MAPK15: variants seen among roughly 807,000 people sequenced by gnomAD.
The protein encoded by MAPK15 is mitogen-activated protein kinase 15.
A neutral mutation model predicts 60.8 loss-of-function variants in MAPK15; 61 were observed. That is an observed-to-expected ratio of 1.00 (90% CI 0.82 to 1.24). The LOEUF (loss-of-function observed/expected upper bound fraction) is 1.24. Ranked by LOEUF, MAPK15 falls within the 50% of genes most tolerant of loss-of-function variation. The pLI, the probability that MAPK15 is intolerant of heterozygous loss-of-function variation, is 0.00. For missense variants in MAPK15, 808 were observed against 741.1 expected, an observed-to-expected ratio of 1.09 and a Z score of -1.05; for synonymous variants, 356 against 319.9, an observed-to-expected ratio of 1.11 and a Z score of -1.21.
rs1817930351 is a variant in MAPK15, at chr8:143,719,035, T to G, written c.460T>G (p.Cys154Gly). The change falls in exon 6 of 14, where the codon TGT (cysteine) becomes GGT (glycine). Residue 154 changes from cysteine to glycine, a missense_variant. By Grantham distance (159) the Cys-to-Gly change is radical. Transcript: ENST00000338033. Reference sequence around the variant, plus strand: ...GGATGCCAACTGCACAGTGAAGCTGTGTGACTTTGGCCTGGCCCGCTCCCT... The same window carrying G: ...GGATGCCAACTGCACAGTGAAGCTGGGTGACTTTGGCCTGGCCCGCTCCCT... ...LLDANCTVKL[C>G]DFGLARSLGD... 2 of 1,603,034 alleles carry G rather than the reference T, an allele frequency of 1.2e-6. No homozygotes were observed. The highest frequency in any genetic ancestry group is 2.7e-5 in the African/African-American group (2 of 74,574).
At chr8:143,719,232 C>G in intron 6 of MAPK15, 76 bp downstream of exon 6, 1 of 1,506,514 alleles carries the variant, frequency 6.6e-7, no homozygotes, top group Non-Finnish European at 8.9e-7. Flanking sequence ...CCAGGCCTCC[C>G]GTACTCCGAC....
chr8:143,721,537 C>T lies in MAPK15; in HGVS notation c.1205-12C>T. 1 of 1,613,752 alleles carries T rather than the reference C, an allele frequency of 6.2e-7. No individual in the cohort carries two copies. The highest frequency in any genetic ancestry group is 8.5e-7 in the Non-Finnish European group (1 of 1,179,864). ...ACCCACTGACCCCGGGGTTGACCCA[C>T]TGACCCCACAGAGTCCCCCCGTGCA... is the stretch of plus-strand genomic sequence containing the variant. On this transcript the variant is annotated splice_polypyrimidine_tract_variant and intron_variant, in intron 11 of 13. Transcript: ENST00000338033.
In MAPK15 at chr8:143,721,872, G is replaced by A. The variant is rs374901309; in HGVS notation, c.1450G>A (p.Val484Ile). ...NRGGGVRVAS[V>I]QQVPPRLPPE... ...GGGCGGTGGGGTGAGGGTGGCCAGC[G>A]TACAACAGGTAAGCCCGGCCCAGTC... The change falls in exon 13 of 14, where the codon GTA becomes ATA. Residue 484 changes from valine (V) to isoleucine (I), a missense_variant. Physicochemically the swap from Val to Ile is conservative, Grantham distance 29. Transcript: ENST00000338033. The A allele has an allele frequency of 5.0e-5, 79 of 1,586,348 alleles. No individual in the cohort carries two copies. Among genetic ancestry groups the A allele is most frequent in the African/African-American group, 3.5e-4 (26 of 74,680 alleles).
rs782683762 is a variant in MAPK15, at chr8:143,719,443, G to T, written c.682G>T (p.Glu228Ter). The change falls in exon 7 of 14, where the codon GAG becomes TAG. Residue 228 changes from glutamate to a stop codon, truncating the protein, a stop_gained. Coordinates refer to ENST00000338033, the MANE Select transcript of MAPK15 (RefSeq NM_139021.3). LOFTEE classifies it high-confidence loss of function. ...CGGCACGTCCACCCTCCACCAGCTGGAGCTGATCCTGGAGACCATCCCACC... is the reference window on the plus strand; with the variant it reads ...CGGCACGTCCACCCTCCACCAGCTGTAGCTGATCCTGGAGACCATCCCACC... ...FPGTSTLHQL[E>*]LILETIPPPS... is the part of the protein sequence containing the mutation. 1.9e-6 allele frequency: 3 copies of T among 1,609,578 alleles called. No homozygotes were observed. The highest frequency in any genetic ancestry group is 2.5e-6 in the Non-Finnish European group (3 of 1,178,834).
In MAPK15 at chr8:143,719,116, C is replaced by T. The variant is rs782030603; in HGVS notation, c.541C>T (p.Arg181Cys). Residue 181 changes from arginine (R) to cysteine (C), a missense_variant, in exon 6 of 14, where the codon CGC becomes TGC. Coordinates refer to ENST00000338033, the MANE Select transcript of MAPK15 (RefSeq NM_139021.3). Reference sequence around the variant, plus strand: ...GGCCGTGACAGAGTACGTGGCCACACGCTGGTACCGAGCACCGGAGGTGCT... The same window carrying T: ...GGCCGTGACAGAGTACGTGGCCACATGCTGGTACCGAGCACCGGAGGTGCT... Reference protein sequence around the residue: ...DQAVTEYVATRWYRAPEVLLS... With the variant: ...DQAVTEYVATCWYRAPEVLLS... 19 of 1,559,138 alleles carry T rather than the reference C, an allele frequency of 1.2e-5. No homozygotes were observed. In the Admixed American group the frequency reaches 1.5e-4, roughly 13 times the overall value.
chr8:143,722,042 T>C, intron 13 of MAPK15, 33 bp from the exon 14 acceptor site: 3 of 1,597,698 alleles, frequency 1.9e-6, no homozygotes, highest in Non-Finnish European at 2.6e-6. Context: ...CCCCCTCTGA[T>C]GGCCCCTTTA....
chr8:143,722,147 C>G lies in MAPK15; in HGVS notation c.1531C>G (p.Gln511Glu). 6.2e-7 allele frequency: 1 copy of G among 1,611,790 alleles called. No individual in the cohort carries two copies. ...MFSTSALQGA[Q>E]GGARALLGGY... ...CAGCACCTCTGCCTTGCAGGGTGCC[C>G]AGGGGGGTGCCAGGGCTTTGCTTGG... is the stretch of plus-strand genomic sequence containing the variant. The change falls in exon 14 of 14, where the codon CAG becomes GAG. Residue 511 changes from glutamine (Q) to glutamate (E), a missense_variant. Physicochemically the swap from Gln to Glu is conservative, Grantham distance 29. Transcript: ENST00000338033.
At position 143,721,613 on chromosome 8, in the gene MAPK15, C is replaced by T. The variant is rs782750177; in HGVS notation, c.1269C>T (p.Leu423=). The T allele has an allele frequency of 6.2e-7, 1 of 1,612,730 alleles. No homozygotes were observed. The change falls in exon 12 of 14, where the codon CTC becomes CTT. Residue 423 remains leucine (L), a synonymous_variant. Transcript: ENST00000338033. ...CCGCTCCCCTGCTCCAAACTGCTCT[C>T]CTAGGGAATGGGGAAAGGCCCCCTG... is the stretch of plus-strand genomic sequence containing the variant. ...QNSAPLLQTA[L]LGNGERPPGA...
At position 143,722,412 on chromosome 8, in the gene MAPK15, G is replaced by GC; in HGVS notation, c.*166dup. 3.5e-6 allele frequency: 2 copies of GC among 571,236 alleles called. No homozygotes were observed. Among genetic ancestry groups the GC allele is most frequent in the South Asian group, 2.5e-5 (1 of 39,310 alleles). 35.4% of individuals were successfully genotyped at this position (571,236 alleles called of 1,614,324 possible). On this transcript the variant is annotated 3_prime_UTR_variant, in exon 14 of 14. Coordinates refer to ENST00000338033, the MANE Select transcript of MAPK15 (RefSeq NM_139021.3). ...CCTCGGGGGAGCAGATGAGGGCCCTGCCCCCGCCCCACTGACTTCCTCCAA... is the reference window on the plus strand; with the variant it reads ...CCTCGGGGGAGCAGATGAGGGCCCTGCCCCCCGCCCCACTGACTTCCTCCAA...
At position 143,721,293 on chromosome 8, in the gene MAPK15, C is replaced by T. The variant is rs976341290; in HGVS notation, c.1086C>T (p.Ser362=). 1.9e-6 allele frequency: 3 copies of T among 1,613,664 alleles called. No homozygotes were observed. The highest frequency in any genetic ancestry group is 2.5e-6 in the Non-Finnish European group (3 of 1,179,940). ...TSREKGPEGV[S]PSQAHLHKPR... ...GAGAGAAGGGCCCGGAGGGTGTCTCCCCAAGCCAGGCACACCTGCACAAAC... is the reference window on the plus strand; with the variant it reads ...GAGAGAAGGGCCCGGAGGGTGTCTCTCCAAGCCAGGCACACCTGCACAAAC... Residue 362 remains serine, a synonymous_variant, in exon 11 of 14, where the codon TCC becomes TCT. Transcript: ENST00000338033.
At position 143,722,211 on chromosome 8, in the gene MAPK15, C is replaced by A; in HGVS notation, c.1595C>A (p.Ala532Glu). 1 of 1,602,830 alleles carries A rather than the reference C, an allele frequency of 6.2e-7. No homozygotes were observed. The highest frequency in any genetic ancestry group is 8.5e-7 in the Non-Finnish European group (1 of 1,174,390). The part of the protein sequence containing the change: ...SQAYGTVCHS[A>E]LGHLPLLEGH... ...GCCTACGGGACTGTCTGCCACTCGG[C>A]ACTGGGCCACCTGCCCCTGCTGGAG... The change falls in exon 14 of 14, where the codon GCA becomes GAA. Residue 532 changes from alanine (A) to glutamate (E), a missense_variant. Transcript: ENST00000338033.
chr8:143,719,557 G>A (rs1563750294), intron 7 of MAPK15, 75 bp downstream of exon 7: 1 of 1,520,778 alleles, frequency 6.6e-7, no homozygotes, highest in South Asian at 1.2e-5. Context: ...GACAGCAGCT[G>A]ACAGGCTAGG....
chr8:143,721,625 G>A lies in MAPK15; in HGVS notation c.1281G>A (p.Gly427=). 6.2e-7 allele frequency: 1 copy of A among 1,611,870 alleles called. No individual in the cohort carries two copies. Among genetic ancestry groups the A allele is most frequent in the Admixed American group, 1.7e-5 (1 of 59,720 alleles). Residue 427 remains glycine (G), a synonymous_variant, in exon 12 of 14, where the codon GGG becomes GGA. Coordinates refer to ENST00000338033, the MANE Select transcript of MAPK15 (RefSeq NM_139021.3). ...PLLQTALLGN[G]ERPPGAKEAP... ...TCCAAACTGCTCTCCTAGGGAATGG[G>A]GAAAGGCCCCCTGGGGCGAAGGAAG...
rs782201711 is a variant in MAPK15, at chr8:143,717,731, CT to C, written c.105del (p.Gly36ValfsTer44). 2 of 1,611,966 alleles carry C rather than the reference CT, an allele frequency of 1.2e-6. No homozygotes were observed. Among genetic ancestry groups the C allele is most frequent in the Non-Finnish European group, 1.7e-6 (2 of 1,179,316 alleles). On this transcript the variant is annotated frameshift_variant, in exon 2 of 14. Transcript: ENST00000338033. LOFTEE classifies it high-confidence loss of function. ...GIVWKAVDRR[T>X]GEVVAIKKIF... The stretch of plus-strand genomic sequence containing the variant: ...GTGTGGAAGGCAGTGGACCGGAGGA[CT>C]GGTGAGGTCGTGGCCATCAAGAAAA...
In MAPK15 at chr8:143,721,317, A is replaced by G; in HGVS notation, c.1110A>G (p.Lys370=). 1 of 1,613,362 alleles carries G rather than the reference A, an allele frequency of 6.2e-7. No homozygotes were observed. The highest frequency in any genetic ancestry group is 8.5e-7 in the Non-Finnish European group (1 of 1,179,880). ...GVSPSQAHLH[K]PRADPQLPSR... Reference sequence around the variant, plus strand: ...CCCCAAGCCAGGCACACCTGCACAAACCCAGAGCCGACCCTCAGCTGCCTT... The same window carrying G: ...CCCCAAGCCAGGCACACCTGCACAAGCCCAGAGCCGACCCTCAGCTGCCTT... The change falls in exon 11 of 14, where the codon AAA becomes AAG. Residue 370 remains lysine (K), a synonymous_variant. Coordinates refer to ENST00000338033, the MANE Select transcript of MAPK15 (RefSeq NM_139021.3).
Position 143,720,775 on chromosome 8 carries a change from C to T in MAPK15, c.852C>T (p.Leu284=), listed in dbSNP as rs1554619539. 2 of 1,613,640 alleles carry T rather than the reference C, an allele frequency of 1.2e-6. No individual in the cohort carries two copies. Among genetic ancestry groups the T allele is most frequent in the Non-Finnish European group, 1.7e-6 (2 of 1,179,888 alleles). ...AGGCCTTGGACCTCCTTAGGCGACT[C>T]CTGGTGTTCGCCCCGGACAAGCGGT... is the stretch of plus-strand genomic sequence containing the variant. The part of the protein sequence containing the change: ...SPEALDLLRR[L]LVFAPDKRLS... Residue 284 remains leucine (L), a synonymous_variant, in exon 9 of 14, where the codon CTC becomes CTT. Coordinates refer to ENST00000338033, the MANE Select transcript of MAPK15 (RefSeq NM_139021.3). This position sits in a 1 kb window ranked among gnomAD's most constrained non-coding sequence, Gnocchi z 4.6.
At chr8:143,717,912 C>A in intron 2 of MAPK15, 120 bp downstream of exon 2, 1 of 1,496,698 alleles carries the variant, frequency 6.7e-7, no homozygotes, top group Non-Finnish European at 9.3e-7. Context: ...TCTGGCCTGT[C>A]TCGGAACACT....
chr8:143,717,294 T>A (rs1363389558), intron 1 of MAPK15, among the ~76,000 whole-genome samples: 2 of 151,292 alleles, frequency 1.3e-5, no homozygotes, highest in African/African-American at 4.9e-5. Context: ...GGGACCAGGG[T>A]GGGGGCAGAA....
rs1554620131 is a variant in MAPK15 at position 143,722,086 on chromosome 8, G to T, written c.1470G>T (p.Arg490=). ...TCAACTGTACACAGGTCCCTCCCCG[G>T]CTTCCTCCGGAGGCCCGGCCCGGCC... ...RVASVQQVPP[R]LPPEARPGRR... Residue 490 remains arginine (R), a synonymous_variant, in exon 14 of 14, where the codon CGG becomes CGT. Transcript: ENST00000338033. The T allele has an allele frequency of 6.2e-7, 1 of 1,611,990 alleles. No individual in the cohort carries two copies.
Sources: allele counts gnomAD v4.1 joint callset (sites outside exome capture counted in the v4.1 genomes callset), GRCh38; gene constraint gnomAD v4.1.1; non-coding constraint Gnocchi (gnomAD v3.1); transcripts MANE v1.5; gene names NCBI Gene and HGNC (gene_info 2026-07-23, HGNC 2026-07-21).